The following CLMP variants were observed in gnomAD, a reference collection of about 807,000 sequenced individuals.
The protein encoded by CLMP is CXADR like cell adhesion molecule, also known as CXADR-like membrane protein.
A neutral mutation model predicts 45.2 loss-of-function variants in CLMP; 27 were observed. The observed-to-expected ratio is 0.60, with a 90% confidence interval of 0.44 to 0.82. The LOEUF is 0.82. CLMP is among the 40% of genes least tolerant of loss of function. The pLI, the probability that CLMP is intolerant of heterozygous loss-of-function variation, is 0.00. For synonymous variants in CLMP, 167 were observed against 171.4 expected (o/e 0.97, Z 0.20); for missense variants, 403 against 448.4 (o/e 0.90, Z 0.91).
At chr11:123,117,960 C>A (rs906513873) in intron 1 of CLMP, among the ~76,000 whole-genome samples, 1 of 152,096 alleles carries the variant, frequency 6.6e-6, no homozygotes, top group African/African-American at 2.4e-5. Flanking sequence ...CGGTCTTCCT[C>A]CAAGACACTG....
intron 1 of CLMP, among the ~76,000 whole-genome samples, chr11:123,150,614 GAAGGAAGGA>G (rs1209865557): frequency 6.6e-6 from 1 of 151,084 alleles, no homozygotes; most frequent in African/African-American, 2.4e-5. Flanking sequence ...ATGAAGGAAG[GAAGGAAGGA>G]AAGGAAGGAA....
At chr11:123,078,590 G>T (rs1294951995) in intron 5 of CLMP, among the ~76,000 whole-genome samples, 1 of 151,748 alleles carries the variant, frequency 6.6e-6, no homozygotes, top group Non-Finnish European at 1.5e-5. Flanking sequence ...GGGATTAGAG[G>T]TGTGCACCAC....
At chr11:123,096,952 G>A (rs1289809351) in intron 2 of CLMP, among the ~76,000 whole-genome samples, 3 of 151,190 alleles carry the variant, frequency 2.0e-5, no homozygotes, top group African/African-American at 7.3e-5. Flanking sequence ...GCACTCAAGC[G>A]ATCCTCCTGC....
At chr11:123,186,321 C>T (rs1209725141) in intron 1 of CLMP, among the ~76,000 whole-genome samples, 1 of 152,130 alleles carries the variant, frequency 6.6e-6, no homozygotes, top group Non-Finnish European at 1.5e-5. Context: ...ACGAACCAAC[C>T]AGTTATAAGC....
intron 1 of CLMP, among the ~76,000 whole-genome samples, chr11:123,107,386 A>G (rs1017710945): frequency 6.7e-6 from 1 of 150,200 alleles, no homozygotes. Context: ...GCATGCCACC[A>G]CATCTGGCAA....
chr11:123,115,536 G>C (rs772499934), intron 1 of CLMP, among the ~76,000 whole-genome samples: 2 of 151,976 alleles, frequency 1.3e-5, no homozygotes, highest in Non-Finnish European at 2.9e-5. Flanking sequence ...AGACACAAAA[G>C]AGTACATTCT....
intron 1 of CLMP, among the ~76,000 whole-genome samples, chr11:123,121,470 G>C (rs573415222): frequency 1.3e-5 from 2 of 152,178 alleles, no homozygotes; most frequent in Admixed American, 1.3e-4. Context: ...TCTAATTTTT[G>C]TATTTTTAGT....
At chr11:123,173,959 T>C (rs1469193819) in intron 1 of CLMP, among the ~76,000 whole-genome samples, 1 of 152,098 alleles carries the variant, frequency 6.6e-6, no homozygotes, top group Non-Finnish European at 1.5e-5. Context: ...GGTGCATACC[T>C]GTAGTCCCAG....
At chr11:123,144,010 T>C (rs930828027) in intron 1 of CLMP, among the ~76,000 whole-genome samples, 5 of 152,138 alleles carry the variant, frequency 3.3e-5, no homozygotes, top group African/African-American at 1.2e-4. Flanking sequence ...GGTTTCACCA[T>C]GTTGGACAGG....
At chr11:123,085,628 T>C (rs1335599255) in intron 2 of CLMP, among the ~76,000 whole-genome samples, 1 of 142,626 alleles carries the variant, frequency 7.0e-6, no homozygotes, top group African/African-American at 2.6e-5. Context: ...CTTACAGTAC[T>C]CCTGCACAAT....
At chr11:123,157,127 A>G (rs1285180451) in intron 1 of CLMP, among the ~76,000 whole-genome samples, 1 of 152,216 alleles carries the variant, frequency 6.6e-6, no homozygotes, top group Admixed American at 6.5e-5. Context: ...GTAGCCACAG[A>G]AGGGTGGAAT....
rs761072528 is a variant in CLMP, at chr11:123,084,492, A to G, written c.388+20T>C. 5 of 1,598,512 alleles carry G rather than the reference A, an allele frequency of 3.1e-6. No homozygotes were observed. The highest frequency in any genetic ancestry group is 4.3e-6 in the Non-Finnish European group (5 of 1,165,764). On this transcript the variant is annotated intron_variant, in intron 3 of 6. Coordinates refer to ENST00000448775, the MANE Select transcript of CLMP (RefSeq NM_024769.5). ...CCTTAGAAATAAGCTGTAGACATTC[A>G]CTTTGGCATCCTATCTTACCTAAGA...
rs1246684173 is a variant in CLMP, at chr11:123,072,944, C to T, written c.*530G>A. The T allele has an allele frequency of 6.6e-6, 1 of 152,642 alleles. No individual in the cohort carries two copies. The highest frequency in any genetic ancestry group is 2.4e-5 in the African/African-American group (1 of 41,460). The allele number at this position is 152,642 out of a possible 1,614,324, so 9.5% of individuals were successfully genotyped here. On this transcript the variant is annotated 3_prime_UTR_variant, in exon 7 of 7. Transcript: ENST00000448775. ...AATGAAGTTAAGTCAGAATAGAAGA[C>T]ACATGTTTCCTTTTTTGGAGTTTCT...
At chr11:123,136,400 C>T (rs1861071182) in intron 1 of CLMP, 1 of 511,666 alleles carries the variant, frequency 2.0e-6, no homozygotes, top group Admixed American at 2.5e-5. Context: ...CCGCCGGTGG[C>T]CAGTTCTAGG....
intron 1 of CLMP, among the ~76,000 whole-genome samples, chr11:123,100,615 C>T (rs1866045103): frequency 1.3e-5 from 2 of 152,246 alleles, no homozygotes; most frequent in South Asian, 4.1e-4. Context: ...GATGCTCACA[C>T]AGCTCTGCAA....
At chr11:123,075,551 T>TA (rs1314847641) in intron 5 of CLMP, among the ~76,000 whole-genome samples, 1 of 151,932 alleles carries the variant, frequency 6.6e-6, no homozygotes, top group Admixed American at 6.6e-5. Context: ...CACGCCCGGC[T>TA]AGTTTTTTTG....
intron 2 of CLMP, among the ~76,000 whole-genome samples, chr11:123,093,756 C>A: frequency 6.6e-6 from 1 of 150,622 alleles, no homozygotes; most frequent in South Asian, 2.1e-4. Context: ...TCAATTTAGT[C>A]CTTTTGCAAA....
At chr11:123,100,673 T>C (rs1224888086) in intron 1 of CLMP, among the ~76,000 whole-genome samples, 1 of 152,172 alleles carries the variant, frequency 6.6e-6, no homozygotes, top group Non-Finnish European at 1.5e-5. Flanking sequence ...ACAGCCCTGC[T>C]TTGCTTTATT....
At position 123,090,819 on chromosome 11, in the gene CLMP, C is replaced by T. The variant is rs543497768; in HGVS notation, c.187-6106G>A. Among the ~76,000 whole-genome samples the T allele has an allele frequency of 2.0e-5, 3 of 152,318 alleles. No individual in the cohort carries two copies. In the South Asian group the frequency reaches 6.2e-4, roughly 32 times the overall value. Reference sequence around the variant, plus strand: ...AACTGGGAAAGAAGGGAATTTATCACTGTAACTGGATACAGGGAGAAGGTT... The same window carrying T: ...AACTGGGAAAGAAGGGAATTTATCATTGTAACTGGATACAGGGAGAAGGTT... On this transcript the variant is annotated intron_variant, in intron 2 of 6. Coordinates refer to ENST00000448775, the MANE Select transcript of CLMP (RefSeq NM_024769.5).
Sources: gnomAD v4.1 joint callset for allele counts (sites outside exome capture counted in the v4.1 genomes callset) on GRCh38, gnomAD v4.1.1 for gene constraint, MANE v1.5 for transcripts, NCBI Gene and HGNC (gene_info 2026-07-23, HGNC 2026-07-21) for gene names.